PDE8B: variants seen among roughly 807,000 people sequenced by gnomAD.
The protein encoded by PDE8B is high affinity cAMP-specific and IBMX-insensitive 3',5'-cyclic phosphodiesterase 8B.
PDE8B carries 26 observed loss-of-function variants against 101.3 expected under a neutral mutation model. The observed-to-expected ratio is 0.26, with a 90% CI of 0.19 to 0.36. The LOEUF (loss-of-function observed/expected upper bound fraction) is 0.36. Among genes scored for constraint, PDE8B ranks in the 10% least tolerant of loss-of-function variants. The pLI is 1.00. For missense variants in PDE8B, 810 were observed against 1,163.1 expected, an observed-to-expected ratio of 0.70 and a Z score of 4.42; for synonymous variants, 424 against 429.3, an observed-to-expected ratio of 0.99 and a Z score of 0.15.
intron 15 of PDE8B, 143 bp from the exon 16 acceptor site, chr5:77,411,957 T>C: frequency 1.2e-6 from 1 of 842,736 alleles, no homozygotes; most frequent in Non-Finnish European, 2.0e-6. Context: ...ATTATTTTTC[T>C]ATTTGAGGGT....
intron 17 of PDE8B, among the ~76,000 whole-genome samples, chr5:77,415,578 C>T (rs2884817): frequency 0.15 from 23,005 of 151,858 alleles, 2,208 homozygotes; most frequent in East Asian, 0.39. Flanking sequence ...AGGCTCATCT[C>T]GAACTCCTGA....
intron 6 of PDE8B, among the ~76,000 whole-genome samples, chr5:77,342,514 GT>G (rs34891839): frequency 3.1e-4 from 45 of 146,954 alleles, no homozygotes; most frequent in African/African-American, 6.8e-4. Flanking sequence ...ATTTTTCAGA[GT>G]TTTTTTTTTT....
intron 10 of PDE8B, among the ~76,000 whole-genome samples, chr5:77,357,323 C>T (rs1782291434): frequency 6.6e-6 from 1 of 152,160 alleles, no homozygotes; most frequent in South Asian, 2.1e-4. Flanking sequence ...GGCTTATTCT[C>T]AAAGAGACCA....
chr5:77,371,939 G>A (rs371384293), intron 10 of PDE8B, among the ~76,000 whole-genome samples: 21 of 152,232 alleles, frequency 1.4e-4, no homozygotes, highest in Non-Finnish European at 2.1e-4. Flanking sequence ...AGTGGCTCAC[G>A]CCTGTAATCC....
intron 1 of PDE8B, among the ~76,000 whole-genome samples, chr5:77,262,701 T>C (rs1760882742): frequency 6.6e-6 from 1 of 152,258 alleles, no homozygotes; most frequent in African/African-American, 2.4e-5. Flanking sequence ...CTTCTGTCTT[T>C]AGTGCACTTG....
intron 1 of PDE8B, among the ~76,000 whole-genome samples, chr5:77,221,569 G>A (rs186954548): frequency 1.1e-4 from 16 of 152,234 alleles, no homozygotes; most frequent in African/African-American, 3.9e-4. Context: ...TCTTATTAAC[G>A]ATCATTGCTT....
chr5:77,411,052 C>G (rs1794472755), intron 14 of PDE8B: 1 of 152,898 alleles, frequency 6.5e-6, no homozygotes. Context: ...CAGGATATGG[C>G]CAAGCATTGG....
intron 4 of PDE8B, among the ~76,000 whole-genome samples, chr5:77,329,929 G>A (rs904257398): frequency 6.6e-6 from 1 of 152,168 alleles, no homozygotes; most frequent in African/African-American, 2.4e-5. Context: ...TGGCTGCAAA[G>A]TCTTACCCTC....
intron 1 of PDE8B, among the ~76,000 whole-genome samples, chr5:77,310,500 T>C (rs1322794509): frequency 2.6e-5 from 4 of 152,144 alleles, no homozygotes; most frequent in Non-Finnish European, 5.9e-5. Context: ...GTAAGAGAAG[T>C]CCACACTCAA....
At chr5:77,146,789 G>T in the PDE8B span, 1 of 328,542 alleles carries the variant, frequency 3.0e-6, no homozygotes, top group South Asian at 3.3e-5. Flanking sequence ...AAAGACAGAT[G>T]AAAACCTATA....
chr5:77,164,690 A>G, the PDE8B span, among the ~76,000 whole-genome samples: 1 of 152,172 alleles, frequency 6.6e-6, no homozygotes, highest in Non-Finnish European at 1.5e-5. Context: ...CCAGACTTGC[A>G]TTGGAGTTAA....
At chr5:77,376,325 G>A (rs961671347) in intron 10 of PDE8B, among the ~76,000 whole-genome samples, 1 of 152,144 alleles carries the variant, frequency 6.6e-6, no homozygotes, top group Admixed American at 6.5e-5. Context: ...ACCACCTTTT[G>A]GGAAATACTG....
At position 77,425,757 on chromosome 5, in the gene PDE8B, T is replaced by C; in HGVS notation, c.2419-10T>C. The C allele has an allele frequency of 2.5e-6, 4 of 1,613,864 alleles. No individual in the cohort carries two copies. The highest frequency in any genetic ancestry group is 2.5e-6 in the Non-Finnish European group (3 of 1,179,760). On this transcript the variant is annotated splice_polypyrimidine_tract_variant and intron_variant, in intron 20 of 21. Coordinates refer to ENST00000264917, the MANE Select transcript of PDE8B (RefSeq NM_003719.5). ...GTCCTCCAGCCCTATGTGGTGGTTTTTTCTTACAGACTGATGAAGAGAAGA... is the reference window on the plus strand; with the variant it reads ...GTCCTCCAGCCCTATGTGGTGGTTTCTTCTTACAGACTGATGAAGAGAAGA...
intron 1 of PDE8B, among the ~76,000 whole-genome samples, chr5:77,308,907 A>G (rs1326666668): frequency 1.3e-5 from 2 of 152,074 alleles, no homozygotes; most frequent in Non-Finnish European, 2.9e-5. Flanking sequence ...AACTGGGCAC[A>G]ATGGCTCATG....
At chr5:77,143,610 G>A in the PDE8B span, among the ~76,000 whole-genome samples, 1 of 152,178 alleles carries the variant, frequency 6.6e-6, no homozygotes, top group African/African-American at 2.4e-5. Context: ...TTGAAAAATA[G>A]CCCTTTAGGG....
At chr5:77,230,369 G>A (rs1753320163) in intron 1 of PDE8B, among the ~76,000 whole-genome samples, 1 of 152,192 alleles carries the variant, frequency 6.6e-6, no homozygotes, top group South Asian at 2.1e-4. Flanking sequence ...TTCTCACACT[G>A]GCTTTACAGG....
At chr5:77,272,682 T>A (rs903630019) in intron 1 of PDE8B, among the ~76,000 whole-genome samples, 2 of 152,148 alleles carry the variant, frequency 1.3e-5, no homozygotes, top group Non-Finnish European at 2.9e-5. Context: ...AAGTGCTCAA[T>A]AAGCACTAGC....
chr5:77,270,415 G>T (rs1481466253), intron 1 of PDE8B, among the ~76,000 whole-genome samples: 1 of 152,128 alleles, frequency 6.6e-6, no homozygotes, highest in African/African-American at 2.4e-5. Context: ...AGAATAATTT[G>T]ACTACTTCCT....
intron 1 of PDE8B, among the ~76,000 whole-genome samples, chr5:77,246,294 G>T (rs569254064): frequency 2.6e-5 from 4 of 152,172 alleles, no homozygotes; most frequent in Admixed American, 6.5e-5. Context: ...GCTTGTGGGC[G>T]TGGGGGGTTC....
Sources: allele counts gnomAD v4.1 joint callset (sites outside exome capture counted in the v4.1 genomes callset), GRCh38; gene constraint gnomAD v4.1.1; transcripts MANE v1.5; gene names NCBI Gene and HGNC (gene_info 2026-07-23, HGNC 2026-07-21).